Variants in JAK2 observed in about 807,000 individuals in gnomAD.
The protein encoded by JAK2 is tyrosine-protein kinase JAK2.
JAK2 carries 86 observed loss-of-function variants against 139.3 expected under a neutral mutation model. The observed-to-expected ratio is 0.62, with a 90% confidence interval of 0.52 to 0.74. The LOEUF (loss-of-function observed/expected upper bound fraction) is 0.74, where lower values mean the gene tolerates loss of function less well. JAK2 is among the 30% of genes least tolerant of loss of function. JAK2 has a pLI of 0.00. For synonymous variants in JAK2, 490 were observed against 437.7 expected (o/e 1.12, Z -1.49); for missense variants, 1,421 against 1,360.3 (o/e 1.04, Z -0.70).
intron 23 of JAK2, among the ~76,000 whole-genome samples, chr9:5,125,487 CATAA>C (rs965916105): frequency 2.0e-5 from 3 of 151,440 alleles, no homozygotes; most frequent in Admixed American, 6.6e-5. Context: ...CATCCTCATG[CATAA>C]ATATTTATAT....
chr9:4,999,105 G>A (rs186296284), intron 2 of JAK2, among the ~76,000 whole-genome samples: 23 of 152,250 alleles, frequency 1.5e-4, no homozygotes, highest in African/African-American at 4.1e-4. Context: ...GATTACAGGC[G>A]TGAGCCACCG....
At chr9:5,069,624 T>G (rs549469870) in intron 11 of JAK2, among the ~76,000 whole-genome samples, 8 of 152,164 alleles carry the variant, frequency 5.3e-5, no homozygotes, top group Non-Finnish European at 4.4e-5. Context: ...TCCTGAAAAA[T>G]TGTATGAGTT....
intron 3 of JAK2, 50 bp downstream of exon 3, chr9:5,022,263 T>A (rs1234668456): frequency 1.6e-6 from 2 of 1,285,328 alleles, no homozygotes; most frequent in East Asian, 4.6e-5. Flanking sequence ...ATTGTTTTAA[T>A]TATGCTATGC....
intron 10 of JAK2, among the ~76,000 whole-genome samples, chr9:5,067,221 A>G (rs1207141198): frequency 6.6e-6 from 1 of 152,150 alleles, no homozygotes; most frequent in East Asian, 1.9e-4. Context: ...TCAATAACAA[A>G]CAAATAGAAA....
chr9:5,072,940 A>C (rs910172499), intron 13 of JAK2, among the ~76,000 whole-genome samples: 2 of 151,230 alleles, frequency 1.3e-5, no homozygotes, highest in African/African-American at 2.5e-5. Context: ...GCTCCTCTAC[A>C]ATTACATTTA....
At chr9:5,111,966 A>G (rs1822607083) in intron 22 of JAK2, 2 of 344,082 alleles carry the variant, frequency 5.8e-6, no homozygotes, top group African/African-American at 2.2e-5. Context: ...CAGCCCCTCC[A>G]CCGCCGTGGG....
At chr9:5,106,550 G>T (rs942435808) in intron 22 of JAK2, among the ~76,000 whole-genome samples, 1 of 152,148 alleles carries the variant, frequency 6.6e-6, no homozygotes, top group Non-Finnish European at 1.5e-5. Context: ...CCATTACTGG[G>T]TATACACCCA....
chr9:5,070,749 A>C (rs1314173421), intron 12 of JAK2, among the ~76,000 whole-genome samples: 4 of 152,082 alleles, frequency 2.6e-5, no homozygotes, highest in African/African-American at 9.7e-5. Context: ...GGACCTGTGC[A>C]GTCCAAACCC....
intron 8 of JAK2, among the ~76,000 whole-genome samples, chr9:5,059,973 C>G (rs140193550): frequency 6.6e-6 from 1 of 152,042 alleles, no homozygotes; most frequent in Admixed American, 6.6e-5. Flanking sequence ...TATAGACATA[C>G]GTCAGAGATA....
intron 22 of JAK2, among the ~76,000 whole-genome samples, chr9:5,117,991 TTC>T (rs1427461201): frequency 1.3e-5 from 2 of 152,232 alleles, no homozygotes; most frequent in Non-Finnish European, 2.9e-5. Flanking sequence ...GCTAATTTTT[TTC>T]TTTGTAAGTA....
intron 5 of JAK2, among the ~76,000 whole-genome samples, chr9:5,046,694 A>G (rs1343692736): frequency 6.6e-6 from 1 of 152,168 alleles, no homozygotes; most frequent in Non-Finnish European, 1.5e-5. Context: ...GTTGAAAATC[A>G]TTTGACCACC....
intron 19 of JAK2, among the ~76,000 whole-genome samples, chr9:5,087,121 A>G (rs1167096828): frequency 3.9e-5 from 6 of 152,212 alleles, no homozygotes; most frequent in Non-Finnish European, 8.8e-5. Context: ...TACTGGTTGT[A>G]TTAGTCTGTT....
At chr9:5,036,091 ACAAACAGAGAGC>A (rs1823578429) in intron 4 of JAK2, among the ~76,000 whole-genome samples, 1 of 152,218 alleles carries the variant, frequency 6.6e-6, no homozygotes, top group South Asian at 2.1e-4. Context: ...CCAATAACAG[ACAAACAGAGAGC>A]CAAATCATGA....
At chr9:5,106,187 C>G (rs1489057338) in intron 22 of JAK2, among the ~76,000 whole-genome samples, 1 of 151,900 alleles carries the variant, frequency 6.6e-6, no homozygotes, top group African/African-American at 2.4e-5. Flanking sequence ...TATCCAAAAT[C>G]TACAAAGAAA....
At chr9:5,061,482 G>A (rs1012087574) in intron 8 of JAK2, among the ~76,000 whole-genome samples, 9 of 152,270 alleles carry the variant, frequency 5.9e-5, no homozygotes, top group Middle Eastern at 3.4e-3. Flanking sequence ...CTGTGCACAT[G>A]GCTTCTTTTC....
At chr9:5,020,692 G>C (rs952017640) in intron 2 of JAK2, among the ~76,000 whole-genome samples, 1 of 152,176 alleles carries the variant, frequency 6.6e-6, no homozygotes, top group East Asian at 1.9e-4. Context: ...GTAGGTGGTA[G>C]AGCTTGTCCT....
chr9:5,127,618 A>G lies in JAK2; in HGVS notation c.*827A>G. 1 of 231,898 alleles carries G rather than the reference A, an allele frequency of 4.3e-6. No homozygotes were observed. Among genetic ancestry groups the G allele is most frequent in the Admixed American group, 5.6e-5 (1 of 17,712 alleles). 14.4% of individuals were successfully genotyped at this position (231,898 alleles called of 1,614,324 possible). ...GACTACTATGAACAGTTTTCTTTTA[A>G]AATTTTGAGATTAAGAATGCCAGGA... On this transcript the variant is annotated 3_prime_UTR_variant, in exon 25 of 25. Coordinates refer to ENST00000381652, the MANE Select transcript of JAK2 (RefSeq NM_004972.4).
At chr9:5,076,193 G>A (rs570591016) in intron 14 of JAK2, among the ~76,000 whole-genome samples, 6 of 152,298 alleles carry the variant, frequency 3.9e-5, no homozygotes, top group African/African-American at 1.4e-4. Context: ...ATTGTGAAAT[G>A]ACAACAAAGG....
chr9:5,022,419 T>G (rs1822489316), intron 3 of JAK2, among the ~76,000 whole-genome samples: 1 of 152,178 alleles, frequency 6.6e-6, no homozygotes, highest in Non-Finnish European at 1.5e-5. Flanking sequence ...TCAAAACAAA[T>G]TGATGCCCAT....
Sources: gnomAD v4.1 joint callset for allele counts (sites outside exome capture counted in the v4.1 genomes callset) on GRCh38, gnomAD v4.1.1 for gene constraint, MANE v1.5 for transcripts, NCBI Gene and HGNC (gene_info 2026-07-23, HGNC 2026-07-21) for gene names.